The following PHF10 variants were observed in gnomAD, a reference collection of about 807,000 sequenced individuals.
PHF10 encodes the protein BRG1-associated factor 45a.
PHF10 carries 51 observed loss-of-function variants against 68.5 expected under a neutral mutation model. That is an observed-to-expected ratio of 0.74 (90% CI 0.59 to 0.94). The LOEUF (loss-of-function observed/expected upper bound fraction) is 0.94, where lower values mean the gene tolerates loss of function less well. PHF10 is among the 40% of genes least tolerant of loss of function. The pLI, the probability that PHF10 is intolerant of heterozygous loss-of-function variation, is 0.00. For missense variants in PHF10, 460 were observed against 602.6 expected, an observed-to-expected ratio of 0.76 and a Z score of 2.48; for synonymous variants, 204 against 203.5, an observed-to-expected ratio of 1.00 and a Z score of -0.02.
intron 10 of PHF10, 35 bp from the exon 11 acceptor site, chr6:169,705,356 A>G: frequency 1.4e-6 from 2 of 1,447,144 alleles, no homozygotes; most frequent in Non-Finnish European, 1.9e-6. Context: ...TATCTCACAT[A>G]AGAAATTTTA....
At chr6:169,713,598 CAAAAAAAAAA>C (rs755248180) in intron 7 of PHF10, among the ~76,000 whole-genome samples, 4 of 76,678 alleles carry the variant, frequency 5.2e-5, no homozygotes, top group Admixed American at 1.5e-4. Flanking sequence ...GACTCCATCT[CAAAAAAAAAA>C]AAAAAAAATT....
At chr6:169,721,603 C>T (rs1028893206) in intron 1 of PHF10, among the ~76,000 whole-genome samples, 5 of 151,934 alleles carry the variant, frequency 3.3e-5, no homozygotes, top group Admixed American at 1.3e-4. Flanking sequence ...AAAAATATAC[C>T]CTAATAAGGG....
intron 8 of PHF10, among the ~76,000 whole-genome samples, chr6:169,712,158 AAACTGCTCATGGT>A (rs974733069): frequency 2.6e-4 from 39 of 152,366 alleles, no homozygotes; most frequent in African/African-American, 9.1e-4. Context: ...ACCCTTGCCT[AAACTGCTCATGGT>A]AACTACAAAG....
At chr6:169,721,698 A>G (rs1020363414) in intron 1 of PHF10, among the ~76,000 whole-genome samples, 1 of 151,058 alleles carries the variant, frequency 6.6e-6, no homozygotes, top group African/African-American at 2.4e-5. Context: ...AGAAGATTAT[A>G]TATTTTTAAT....
At chr6:169,705,047 G>T in intron 11 of PHF10, 86 bp downstream of exon 11, 1 of 986,872 alleles carries the variant, frequency 1.0e-6, no homozygotes, top group Non-Finnish European at 1.5e-6. Flanking sequence ...AGCTCTTCAT[G>T]TCATGATAGC....
intron 8 of PHF10, 63 bp from the exon 9 acceptor site, chr6:169,710,454 T>C: frequency 1.8e-6 from 2 of 1,126,072 alleles, no homozygotes; most frequent in Non-Finnish European, 2.7e-6. Context: ...GTCTGGATTT[T>C]GAAAACTATG....
At chr6:169,710,144 G>T in intron 9 of PHF10, 92 bp downstream of exon 9, 1 of 924,982 alleles carries the variant, frequency 1.1e-6, no homozygotes, top group South Asian at 1.9e-5. Context: ...GGTACAGCAG[G>T]CAGAAGCTCC....
intron 6 of PHF10, among the ~76,000 whole-genome samples, chr6:169,715,201 A>C (rs1789017442): frequency 6.6e-6 from 1 of 151,768 alleles, no homozygotes; most frequent in Non-Finnish European, 1.5e-5. Flanking sequence ...TCTCTTAAAA[A>C]CTCTTGGGAC....
intron 2 of PHF10, among the ~76,000 whole-genome samples, chr6:169,720,582 A>G (rs1448981718): frequency 6.6e-6 from 1 of 152,196 alleles, no homozygotes; most frequent in Non-Finnish European, 1.5e-5. Flanking sequence ...TTCCACTTAT[A>G]TGAAGTAACT....
At chr6:169,711,156 C>T (rs984252655) in intron 8 of PHF10, among the ~76,000 whole-genome samples, 12 of 151,722 alleles carry the variant, frequency 7.9e-5, no homozygotes, top group African/African-American at 2.4e-4. Context: ...ATAAAGATAC[C>T]GAGACTCACA....
intron 9 of PHF10, chr6:169,708,235 G>A (rs1369733705): frequency 6.6e-6 from 1 of 152,122 alleles, no homozygotes; most frequent in African/African-American, 2.4e-5. Flanking sequence ...GACTTTCATG[G>A]TAGCAATAAT....
Position 169,705,278 on chromosome 6 carries a change from C to T in PHF10, c.1266G>A (p.Met422Ile), listed in dbSNP as rs894287063. Residue 422 changes from methionine to isoleucine, a missense_variant, in exon 11 of 12, where the codon ATG becomes ATA. Physicochemically the swap from Met to Ile is conservative, Grantham distance 10 (BLOSUM62 1). Transcript: ENST00000339209. ...CLDMTMELVS[M>I]IKTYPWQCME... ...TACACTGCCATGGGTAGGTCTTAATCATAGAAACAAGCTCCATTGTCATAT... is the reference window on the plus strand; with the variant it reads ...TACACTGCCATGGGTAGGTCTTAATTATAGAAACAAGCTCCATTGTCATAT... The T allele has an allele frequency of 1.2e-6, 2 of 1,613,256 alleles. No individual in the cohort carries two copies. The highest frequency in any genetic ancestry group is 1.3e-5 in the African/African-American group (1 of 74,904).
At chr6:169,715,300 T>G (rs978778477) in intron 6 of PHF10, among the ~76,000 whole-genome samples, 4 of 152,180 alleles carry the variant, frequency 2.6e-5, no homozygotes, top group Non-Finnish European at 4.4e-5. Context: ...AAATGTAAAT[T>G]GAGTATTATT....
At chr6:169,706,106 T>G (rs1299273009) in intron 9 of PHF10, among the ~76,000 whole-genome samples, 1 of 152,204 alleles carries the variant, frequency 6.6e-6, no homozygotes, top group African/African-American at 2.4e-5. Flanking sequence ...AAAAGACCAT[T>G]TTAAATAGCT....
At chr6:169,719,982 C>A (rs868522112) in intron 2 of PHF10, among the ~76,000 whole-genome samples, 7 of 148,064 alleles carry the variant, frequency 4.7e-5, no homozygotes, top group South Asian at 2.2e-4. Flanking sequence ...ACAAAAAAAA[C>A]CCCAAATAAA....
At position 169,710,319 on chromosome 6, in the gene PHF10, G is replaced by T. The variant is rs773327899; in HGVS notation, c.1030C>A (p.Gln344Lys). The T allele has an allele frequency of 3.1e-6, 5 of 1,611,918 alleles. No individual in the cohort carries two copies. The highest frequency in any genetic ancestry group is 3.4e-6 in the Non-Finnish European group (4 of 1,178,190). ...GTGGCAGCTTTGTCTTTTGATTTCT[G>T]TCTTCCCTGGAAAGAGTCCTCCTGG... The part of the protein sequence containing the change: ...DSQEDSFQGR[Q>K]KSKDKAATPR... Residue 344 changes from glutamine to lysine, a missense_variant, in exon 9 of 12, where the codon CAG becomes AAG. Transcript: ENST00000339209.
At position 169,724,015 on chromosome 6, in the gene PHF10, C is replaced by CCGCCGT. The variant is rs1789260082; in HGVS notation, c.-85_-84insACGGCG. 4.6e-6 allele frequency: 1 copy of CCGCCGT among 218,906 alleles called. No homozygotes were observed. The highest frequency in any genetic ancestry group is 2.4e-5 in the African/African-American group (1 of 41,154). The allele number at this position is 218,906 out of a possible 1,614,324, so 13.6% of individuals were successfully genotyped here. A position where few individuals can be genotyped will look rare whatever the true frequency, so the allele number is the denominator to read the frequency against. ...GCCGCCGCTGCCGCCGCCGCCGCCG[C>CCGCCGT]CGCCGCCGCGCGGGCCCCCCGCCGC... On this transcript the variant is annotated 5_prime_UTR_variant, in exon 1 of 12. Coordinates refer to ENST00000339209, the MANE Select transcript of PHF10 (RefSeq NM_018288.4).
chr6:169,717,954 C>T (rs1357444526), intron 3 of PHF10, 48 bp from the exon 4 acceptor site: 3 of 849,212 alleles, frequency 3.5e-6, no homozygotes, highest in Non-Finnish European at 5.6e-6. Flanking sequence ...AAACCTTATG[C>T]ACTTGTAAAA....
chr6:169,712,742 A>G (rs1788953765), intron 7 of PHF10, among the ~76,000 whole-genome samples: 1 of 152,172 alleles, frequency 6.6e-6, no homozygotes, highest in South Asian at 2.1e-4. Flanking sequence ...TAAAATATGC[A>G]TTTGATTCTT....
Sources: gnomAD v4.1 joint callset for allele counts (sites outside exome capture counted in the v4.1 genomes callset) on GRCh38, gnomAD v4.1.1 for gene constraint, MANE v1.5 for transcripts, NCBI Gene and HGNC (gene_info 2026-07-23, HGNC 2026-07-21) for gene names.